Variants in DDAH1 observed in about 807,000 individuals in gnomAD.
DDAH1 encodes the protein dimethylarginine dimethylaminohydrolase 1, also known as N(G),N(G)-dimethylarginine dimethylaminohydrolase 1.
A neutral mutation model predicts 28.8 loss-of-function variants in DDAH1; 19 were observed. The observed-to-expected ratio is 0.66, with a 90% confidence interval of 0.46 to 0.97. The LOEUF is 0.97. Among genes scored for constraint, DDAH1 ranks in the 50% least tolerant of loss-of-function variants. The pLI, the probability that DDAH1 is intolerant of heterozygous loss-of-function variation, is 0.00. For synonymous variants in DDAH1, 153 were observed against 154.4 expected (o/e 0.99, Z 0.07); for missense variants, 326 against 375.9 (o/e 0.87, Z 1.10).
chr1:85,479,690 A>G (rs895716994), intron 2 of DDAH1, among the ~76,000 whole-genome samples: 1 of 152,194 alleles, frequency 6.6e-6, no homozygotes, highest in Non-Finnish European at 1.5e-5. Flanking sequence ...GGCACTCTGG[A>G]GGTGGGGTCA....
At chr1:85,420,849 C>A (rs529901777) in intron 1 of DDAH1, among the ~76,000 whole-genome samples, 59 of 152,314 alleles carry the variant, frequency 3.9e-4, no homozygotes, top group Admixed American at 1.3e-3. Context: ...ACCATTCCCA[C>A]ATTGCTATAA....
chr1:85,511,796 C>T (rs1044349548), intron 1 of DDAH1, among the ~76,000 whole-genome samples: 34 of 152,068 alleles, frequency 2.2e-4, no homozygotes, highest in African/African-American at 8.0e-4. Context: ...AAGACTAAAC[C>T]AGGAAGAAGT....
At chr1:85,539,796 A>G (rs1295464895) in intron 1 of DDAH1, among the ~76,000 whole-genome samples, 1 of 152,116 alleles carries the variant, frequency 6.6e-6, no homozygotes, top group East Asian at 1.9e-4. Context: ...TTAATGACCC[A>G]GTTTGATTTG....
intron 1 of DDAH1, among the ~76,000 whole-genome samples, chr1:85,570,710 G>T (rs1017847500): frequency 6.6e-6 from 1 of 152,108 alleles, no homozygotes; most frequent in Non-Finnish European, 1.5e-5. Flanking sequence ...TGATCAAACC[G>T]ATGGTGACAG....
At chr1:85,404,502 G>T in intron 1 of DDAH1, 1 of 1,471,296 alleles carries the variant, frequency 6.8e-7, no homozygotes. Flanking sequence ...AGTCTGACCC[G>T]GATTGAGCCA....
intron 1 of DDAH1, among the ~76,000 whole-genome samples, chr1:85,459,784 T>C (rs910985759): frequency 6.6e-6 from 1 of 152,244 alleles, no homozygotes; most frequent in Non-Finnish European, 1.5e-5. Flanking sequence ...TAGGGGGTTA[T>C]ATAAATGACT....
intron 1 of DDAH1, among the ~76,000 whole-genome samples, chr1:85,417,149 G>A (rs866781572): frequency 5.3e-5 from 8 of 152,204 alleles, no homozygotes; most frequent in African/African-American, 1.9e-4. Flanking sequence ...TTTTAGTGAA[G>A]GGACTCTGCT....
At chr1:85,425,527 A>G (rs1377709955) in intron 1 of DDAH1, among the ~76,000 whole-genome samples, 3 of 152,172 alleles carry the variant, frequency 2.0e-5, no homozygotes, top group Non-Finnish European at 4.4e-5. Context: ...AAGCAGAAAC[A>G]CCAGAATACT....
rs1652730454 is a variant in DDAH1 at position 85,413,017 on chromosome 1, T to G, written c.303+51726A>C. ...CCCTCTCTCAAAAAATAAATTTTTC[T>G]GAGGAAGGATTACTTTGTTAATATA... On this transcript the variant is annotated intron_variant, in intron 1 of 5. Coordinates refer to ENST00000284031, the MANE Select transcript of DDAH1 (RefSeq NM_012137.4). 1.3e-5 allele frequency among the ~76,000 whole-genome samples: 2 copies of G among 152,112 alleles called. 1 individual carries two copies. The highest frequency in any genetic ancestry group is 4.1e-4 in the South Asian group (2 of 4,826).
chr1:85,507,460 G>A (rs1013467150), intron 1 of DDAH1, among the ~76,000 whole-genome samples: 5 of 151,578 alleles, frequency 3.3e-5, no homozygotes, highest in African/African-American at 1.2e-4. Flanking sequence ...CCATGTTTGT[G>A]CCACTGTACT....
intron 1 of DDAH1, among the ~76,000 whole-genome samples, chr1:85,458,660 A>T (rs1459120047): frequency 6.6e-6 from 1 of 152,128 alleles, no homozygotes; most frequent in African/African-American, 2.4e-5. Context: ...TTATGAAATG[A>T]GCCTGAGATG....
chr1:85,367,673 A>G (rs548286644), intron 1 of DDAH1, among the ~76,000 whole-genome samples: 1 of 152,254 alleles, frequency 6.6e-6, no homozygotes, highest in African/African-American at 2.4e-5. Context: ...GTGACCCAAT[A>G]TTGGCCACTG....
intron 1 of DDAH1, among the ~76,000 whole-genome samples, chr1:85,388,554 G>C (rs896210778): frequency 6.6e-6 from 1 of 152,136 alleles, no homozygotes; most frequent in African/African-American, 2.4e-5. Context: ...TCATTTTTCT[G>C]AGTACCATTT....
chr1:85,465,342 CG>C (rs1655332853), upstream of DDAH1: 1 of 454,058 alleles, frequency 2.2e-6, no homozygotes, highest in South Asian at 9.3e-5. Context: ...GAGAGGCGGC[CG>C]GGGAAGCAGC....
At chr1:85,570,017 C>G (rs1659406751) in intron 1 of DDAH1, among the ~76,000 whole-genome samples, 1 of 152,194 alleles carries the variant, frequency 6.6e-6, no homozygotes, top group Non-Finnish European at 1.5e-5. Context: ...TTAAACCAAG[C>G]TGACGCTGAT....
upstream of DDAH1, among the ~76,000 whole-genome samples, chr1:85,467,119 G>A (rs1189523099): frequency 6.6e-6 from 1 of 152,176 alleles, no homozygotes; most frequent in Non-Finnish European, 1.5e-5. Context: ...TTACAGGCGT[G>A]AGCCACTGCA....
At chr1:85,413,228 C>CT (rs1652740511) in intron 1 of DDAH1, among the ~76,000 whole-genome samples, 1 of 152,158 alleles carries the variant, frequency 6.6e-6, no homozygotes, top group Non-Finnish European at 1.5e-5. Context: ...AGGAAATTTA[C>CT]TTAAAGTTTT....
intron 1 of DDAH1, among the ~76,000 whole-genome samples, chr1:85,544,665 C>T (rs572871963): frequency 2.6e-5 from 4 of 152,278 alleles, no homozygotes; most frequent in African/African-American, 9.6e-5. Flanking sequence ...AATTTCTACC[C>T]ACCCACTCAT....
chr1:85,560,999 C>T (rs10158734), intron 1 of DDAH1, among the ~76,000 whole-genome samples: 2,471 of 152,108 alleles, frequency 0.016, 60 homozygotes, highest in African/African-American at 0.057. Flanking sequence ...TGTTATTCTA[C>T]ATCATTAAAT....
Sources: gnomAD v4.1 joint callset for allele counts (sites outside exome capture counted in the v4.1 genomes callset) on GRCh38, gnomAD v4.1.1 for gene constraint, MANE v1.5 for transcripts, NCBI Gene and HGNC (gene_info 2026-07-23, HGNC 2026-07-21) for gene names.